The following CRY2 variants were observed in gnomAD, a reference collection of about 807,000 sequenced individuals.
The protein encoded by CRY2 is cryptochrome-2.
A neutral mutation model predicts 69.5 loss-of-function variants in CRY2; 31 were observed. The ratio of observed to expected loss-of-function variants is 0.45; its 90% CI spans 0.34 to 0.60. The LOEUF (loss-of-function observed/expected upper bound fraction) is 0.60. Among genes scored for constraint, CRY2 ranks in the 20% least tolerant of loss-of-function variants. CRY2 has a pLI of 0.02. For missense variants in CRY2, 606 were observed against 797.8 expected (o/e 0.76, Z 2.90); for synonymous variants, 303 against 312.2 (o/e 0.97, Z 0.31).
intron 2 of CRY2, 58 bp downstream of exon 2, chr11:45,856,148 C>T: frequency 1.5e-6 from 2 of 1,314,112 alleles, no homozygotes; most frequent in Non-Finnish European, 2.2e-6. Context: ...GGTTTCCCCA[C>T]AGCCTGAGTG....
chr11:45,848,891 AG>A (rs2086172928), intron 1 of CRY2, among the ~76,000 whole-genome samples: 1 of 152,180 alleles, frequency 6.6e-6, no homozygotes, highest in South Asian at 2.1e-4. Flanking sequence ...GGAACAACTA[AG>A]GAGTCCTGTG....
chr11:45,870,448 A>G lies in CRY2; in HGVS notation c.1465A>G (p.Ile489Val). 1 of 1,614,268 alleles carries G rather than the reference A, an allele frequency of 6.2e-7. No homozygotes were observed. The highest frequency in any genetic ancestry group is 1.6e-4 in the Middle Eastern group (1 of 6,062). The change falls in exon 9 of 12, where the codon ATC (isoleucine) becomes GTC (valine). Residue 489 changes from isoleucine to valine, a missense_variant. By Grantham distance (29) the Ile-to-Val change is conservative (BLOSUM62 3). Transcript: ENST00000616080. ...CATTGGTGTGGACTACCCACGGCCC[A>G]TCGTCAACCATGCCGAGACCAGCCG... ...CIIGVDYPRPIVNHAETSRLN... is the reference protein window; with the variant it reads ...CIIGVDYPRPVVNHAETSRLN...
chr11:45,867,460 G>A (rs2086339923), intron 5 of CRY2, 152 bp from the exon 6 acceptor site: 8 of 897,462 alleles, frequency 8.9e-6, no homozygotes, highest in Middle Eastern at 2.3e-4. Flanking sequence ...TGGTGGTTCC[G>A]TCTCAAAATC....
In CRY2 at chr11:45,874,654, A is replaced by G. The variant is rs143797344; in HGVS notation, c.*2+2421A>G. 2.3e-3 allele frequency among the ~76,000 whole-genome samples: 343 copies of G among 152,306 alleles called. 2 individuals carry two copies. The highest frequency in any genetic ancestry group is 8.0e-3 in the African/African-American group (332 of 41,578). ...GTAAACAAATAAATATTTAAAATTTAAAGAGGCCAGCCGGGCGTGGTGGCT... is the reference window on the plus strand; with the variant it reads ...GTAAACAAATAAATATTTAAAATTTGAAGAGGCCAGCCGGGCGTGGTGGCT... On this transcript the variant is annotated intron_variant, in intron 11 of 11. Coordinates refer to ENST00000616080, the MANE Select transcript of CRY2 (RefSeq NM_021117.5).
intron 3 of CRY2, among the ~76,000 whole-genome samples, chr11:45,859,503 C>G (rs925144009): frequency 9.9e-5 from 15 of 151,246 alleles, no homozygotes; most frequent in African/African-American, 3.7e-4. Context: ...TTGAGGCTGC[C>G]ATGAGCTGTG....
intron 3 of CRY2, among the ~76,000 whole-genome samples, chr11:45,860,066 A>G (rs996868396): frequency 1.3e-5 from 2 of 152,206 alleles, no homozygotes; most frequent in Non-Finnish European, 2.9e-5. Context: ...CTTCTTGGCC[A>G]AGAAGAGCCC....
chr11:45,877,571 C>T (rs969282622), intron 11 of CRY2, among the ~76,000 whole-genome samples: 19 of 152,216 alleles, frequency 1.2e-4, no homozygotes, highest in Non-Finnish European at 1.6e-4. Flanking sequence ...CAGTCGTTAA[C>T]GCTTTTTGTT....
intron 1 of CRY2, among the ~76,000 whole-genome samples, chr11:45,852,934 T>C (rs576999773): frequency 3.2e-4 from 48 of 152,340 alleles, no homozygotes; most frequent in Non-Finnish European, 5.6e-4. Flanking sequence ...CAGACCACAC[T>C]CAGAGGAGGA....
chr11:45,850,684 G>A (rs1448886737), intron 1 of CRY2, among the ~76,000 whole-genome samples: 2 of 152,098 alleles, frequency 1.3e-5, no homozygotes, highest in African/African-American at 2.4e-5. Flanking sequence ...TTCCAAGAGT[G>A]GTCTAAGAGA....
rs142587963 is a variant in CRY2 at position 45,870,037 on chromosome 11, C to T, written c.1195-16C>T. The T allele has an allele frequency of 1.7e-3, 2,704 of 1,581,006 alleles. 28 individuals carry two copies. In the African/African-American group the frequency reaches 0.019, roughly 11 times the overall value. On this transcript the variant is annotated splice_polypyrimidine_tract_variant and intron_variant, in intron 7 of 11. Coordinates refer to ENST00000616080, the MANE Select transcript of CRY2 (RefSeq NM_021117.5). Reference sequence around the variant, plus strand: ...GCATGTCCCCAAGGAGGCTGATCATCCCCTCCCCTATCTAGGTATTTGATG... The same window carrying T: ...GCATGTCCCCAAGGAGGCTGATCATTCCCTCCCCTATCTAGGTATTTGATG...
At chr11:45,869,991 G>T in intron 7 of CRY2, 62 bp from the exon 8 acceptor site, 1 of 1,540,404 alleles carries the variant, frequency 6.5e-7, no homozygotes, top group South Asian at 1.2e-5. Flanking sequence ...GCACTGTGGT[G>T]ACTTGGGAAA....
chr11:45,868,539 G>A (rs1005956697), intron 6 of CRY2, among the ~76,000 whole-genome samples: 19 of 150,788 alleles, frequency 1.3e-4, no homozygotes, highest in African/African-American at 3.9e-4. Context: ...GGCTGGTCTC[G>A]AACTCCTGGG....
chr11:45,860,983 C>G lies in CRY2; in HGVS notation c.603C>G (p.Ile201Met), dbSNP rs973201481. 3 of 1,613,818 alleles carry G rather than the reference C, an allele frequency of 1.9e-6. No homozygotes were observed. Among genetic ancestry groups the G allele is most frequent in the African/African-American group, 2.7e-5 (2 of 74,924 alleles). The change falls in exon 4 of 12, where the codon ATC becomes ATG. Residue 201 changes from isoleucine to methionine, a missense_variant. Around this residue, in one of 5 missense-constraint regions of CRY2, gnomAD observed 382 missense variants for 508.9 expected, o/e 0.75. Transcript: ENST00000616080. ...SQQMESCRAE[I>M]QENHDETYGV... The stretch of plus-strand genomic sequence containing the variant: ...AGATGGAGAGCTGCAGGGCCGAGAT[C>G]CAGGAGAACCACGACGAGACCTACG...
intron 5 of CRY2, among the ~76,000 whole-genome samples, chr11:45,867,109 G>A (rs1413557813): frequency 6.6e-6 from 1 of 152,194 alleles, no homozygotes; most frequent in African/African-American, 2.4e-5. Flanking sequence ...GATTCCATTG[G>A]TCCCCAGGAA....
intron 11 of CRY2, among the ~76,000 whole-genome samples, chr11:45,875,992 A>G (rs376554060): frequency 6.4e-4 from 97 of 152,346 alleles, no homozygotes; most frequent in Non-Finnish European, 1.3e-3. Context: ...CCTAAGCTGA[A>G]TGGACCACAG....
chr11:45,870,970 T>C, intron 10 of CRY2, 36 bp downstream of exon 10: 1 of 1,547,840 alleles, frequency 6.5e-7, no homozygotes, highest in Non-Finnish European at 8.8e-7. Context: ...TGGCCTCCTG[T>C]GGCCTGTGCC....
At chr11:45,870,818 G>C in intron 9 of CRY2, 24 bp from the exon 10 acceptor site, 1 of 1,594,446 alleles carries the variant, frequency 6.3e-7, no homozygotes, top group Non-Finnish European at 8.6e-7. Context: ...ACGGCACTCT[G>C]ATTACTCCTC....
At chr11:45,867,322 C>T in intron 5 of CRY2, 1 of 374,786 alleles carries the variant, frequency 2.7e-6, no homozygotes, top group Non-Finnish European at 4.8e-6. Flanking sequence ...CATTTTAATC[C>T]ACAGAAGATT....
chr11:45,865,909 G>C (rs1165562844), intron 5 of CRY2, among the ~76,000 whole-genome samples: 1 of 152,232 alleles, frequency 6.6e-6, no homozygotes, highest in Non-Finnish European at 1.5e-5. Flanking sequence ...TGGAGAATGA[G>C]TTAGCGGGGG....
Sources: allele counts gnomAD v4.1 joint callset (sites outside exome capture counted in the v4.1 genomes callset), GRCh38; gene constraint gnomAD v4.1.1; regional missense constraint gnomAD v4.1.1; transcripts MANE v1.5; gene names NCBI Gene and HGNC (gene_info 2026-07-23, HGNC 2026-07-21).